The following SHB variants were observed in gnomAD, a reference collection of about 807,000 sequenced individuals.
SHB encodes SH2 domain containing adaptor protein B, also known as SH2 domain-containing adapter protein B.
A neutral mutation model predicts 52.3 loss-of-function variants in SHB; 20 were observed. That is an observed-to-expected ratio of 0.38 (90% CI 0.27 to 0.56). SHB has a LOEUF of 0.56. SHB is among the 20% of genes least tolerant of loss of function. The pLI is 0.71. For synonymous variants in SHB, 397 were observed against 316.5 expected (o/e 1.25, Z -2.70); for missense variants, 825 against 723.3 (o/e 1.14, Z -1.61).
chr9:37,974,807 T>G lies in SHB; in HGVS notation c.869A>C (p.Gln290Pro), dbSNP rs748596811. 1 of 1,614,084 alleles carries G rather than the reference T, an allele frequency of 6.2e-7. No individual in the cohort carries two copies. The highest frequency in any genetic ancestry group is 8.5e-7 in the Non-Finnish European group (1 of 1,179,990). Reference sequence around the variant, plus strand: ...GTCATATAACTGGATACCTTTATGCTGGGACCGGACACTTTCCTGCCTCTG... The same window carrying G: ...GTCATATAACTGGATACCTTTATGCGGGGACCGGACACTTTCCTGCCTCTG... ...EFQRQESVRS[Q>P]HKGIQLYDTP... is the part of the protein sequence containing the mutation. Residue 290 changes from glutamine to proline, a missense_variant, in exon 3 of 6, where the codon CAG (glutamine) becomes CCG (proline). Physicochemically the swap from Gln to Pro is moderately conservative, Grantham distance 76 (BLOSUM62 -1). Coordinates refer to ENST00000377707, the MANE Select transcript of SHB (RefSeq NM_003028.3).
chr9:37,932,563 A>C (rs966905827), intron 5 of SHB, among the ~76,000 whole-genome samples: 3 of 80,688 alleles, frequency 3.7e-5, no homozygotes, highest in African/African-American at 1.6e-4. Context: ...CTCTAGCCAC[A>C]AAAAAAAAAA....
intron 2 of SHB, among the ~76,000 whole-genome samples, chr9:37,997,513 C>T (rs1040252585): frequency 2.0e-5 from 3 of 152,194 alleles, no homozygotes; most frequent in African/African-American, 7.2e-5. Context: ...GTCCCCACAG[C>T]GCAAAGTAAA....
intron 3 of SHB, among the ~76,000 whole-genome samples, chr9:37,966,242 C>T (rs1820518846): frequency 6.6e-6 from 1 of 152,242 alleles, no homozygotes; most frequent in Non-Finnish European, 1.5e-5. Context: ...AAAATCTCCA[C>T]ATGAAGATCT....
At chr9:38,046,979 A>G (rs1418094499) in intron 1 of SHB, among the ~76,000 whole-genome samples, 1 of 152,202 alleles carries the variant, frequency 6.6e-6, no homozygotes, top group Admixed American at 6.5e-5. Context: ...AAATGCAGAC[A>G]CTGTGGCCCA....
At chr9:37,985,333 T>A (rs1404230431) in intron 2 of SHB, among the ~76,000 whole-genome samples, 1 of 152,256 alleles carries the variant, frequency 6.6e-6, no homozygotes, top group Non-Finnish European at 1.5e-5. Context: ...CCTGAAGTAC[T>A]CGAAGAGAGA....
chr9:38,054,570 C>G (rs1054016786), intron 1 of SHB, among the ~76,000 whole-genome samples: 5 of 152,198 alleles, frequency 3.3e-5, no homozygotes, highest in African/African-American at 9.7e-5. Flanking sequence ...GTTGTGACAT[C>G]AAAGGGTCCT....
intron 1 of SHB, among the ~76,000 whole-genome samples, chr9:38,061,601 CTTTTAAAGCTAAT>C (rs1405077144): frequency 6.6e-6 from 1 of 152,196 alleles, no homozygotes; most frequent in East Asian, 1.9e-4. Flanking sequence ...TCAGATTTGA[CTTTTAAAGCTAAT>C]TTTTATGGGT....
At chr9:38,045,138 G>C (rs1821634042) in intron 1 of SHB, among the ~76,000 whole-genome samples, 2 of 152,202 alleles carry the variant, frequency 1.3e-5, no homozygotes, top group African/African-American at 4.8e-5. Context: ...AGGGTCAGCT[G>C]GAATGTCAAG....
intron 1 of SHB, among the ~76,000 whole-genome samples, chr9:38,048,770 C>T (rs1467416551): frequency 6.6e-6 from 1 of 152,220 alleles, no homozygotes; most frequent in Non-Finnish European, 1.5e-5. Flanking sequence ...TTAGGCCACA[C>T]GTTAGCCACT....
At chr9:37,980,464 C>T (rs747436160) in intron 2 of SHB, among the ~76,000 whole-genome samples, 9 of 152,190 alleles carry the variant, frequency 5.9e-5, no homozygotes, top group Non-Finnish European at 1.0e-4. Flanking sequence ...ACTTCTAATG[C>T]TAGTTCTCTT....
At chr9:38,027,619 G>T (rs1303624976) in intron 1 of SHB, among the ~76,000 whole-genome samples, 2 of 150,700 alleles carry the variant, frequency 1.3e-5, no homozygotes, top group Non-Finnish European at 3.0e-5. Context: ...GCTACCCATG[G>T]TGGGCAACTA....
chr9:37,923,848 G>A (rs191221443), intron 5 of SHB, among the ~76,000 whole-genome samples: 3 of 152,178 alleles, frequency 2.0e-5, no homozygotes, highest in Admixed American at 1.3e-4. Context: ...GGCCCAAGGC[G>A]CACAGCAAGG....
intron 1 of SHB, among the ~76,000 whole-genome samples, chr9:38,047,791 T>A (rs1821677013): frequency 6.6e-6 from 1 of 152,260 alleles, no homozygotes; most frequent in African/African-American, 2.4e-5. Flanking sequence ...CAGTGGGTGT[T>A]AAGCAAACAA....
chr9:37,929,112 T>C (rs1832284207), intron 5 of SHB, among the ~76,000 whole-genome samples: 1 of 152,228 alleles, frequency 6.6e-6, no homozygotes, highest in South Asian at 2.1e-4. Flanking sequence ...CCCAGACCTG[T>C]ATCTGAGTCC....
intron 5 of SHB, among the ~76,000 whole-genome samples, chr9:37,935,825 G>A (rs536011350): frequency 3.9e-5 from 6 of 152,002 alleles, no homozygotes; most frequent in African/African-American, 1.2e-4. Flanking sequence ...AAATAACTGA[G>A]GCACAGAGAA....
Position 37,919,893 on chromosome 9 carries a change from G to C in SHB, c.1458C>G (p.Thr486=). 1 of 1,614,022 alleles carries C rather than the reference G, an allele frequency of 6.2e-7. No homozygotes were observed. The highest frequency in any genetic ancestry group is 1.1e-5 in the South Asian group (1 of 91,086). ...DSVPEVIHYY[T]TRKLPIKGAE... is the part of the protein sequence containing the mutation. Reference sequence around the variant, plus strand: ...CCCCTTTGATGGGTAGCTTTCTGGTGGTGTAGTAGTGGATGACTTCCGGGA... The same window carrying C: ...CCCCTTTGATGGGTAGCTTTCTGGTCGTGTAGTAGTGGATGACTTCCGGGA... The change falls in exon 6 of 6, where the codon ACC becomes ACG. Residue 486 remains threonine, a synonymous_variant. Transcript: ENST00000377707.
At position 38,016,028 on chromosome 9, in the gene SHB, G is replaced by A; in HGVS notation, c.821C>T (p.Ala274Val). 1 of 1,614,172 alleles carries A rather than the reference G, an allele frequency of 6.2e-7. No individual in the cohort carries two copies. The highest frequency in any genetic ancestry group is 8.5e-7 in the Non-Finnish European group (1 of 1,180,006). Residue 274 changes from alanine to valine, a missense_variant, in exon 2 of 6, where the codon GCA becomes GTA. Physicochemically the swap from Ala to Val is moderately conservative, Grantham distance 64. Coordinates refer to ENST00000377707, the MANE Select transcript of SHB (RefSeq NM_003028.3). ...ESAGYMEPYE[A>V]QRIMTEFQRQ... ...CCACTTACCTGTCATGATCCTCTGTGCCTCATAGGGCTCCATGTAGCCAGC... is the reference window on the plus strand; with the variant it reads ...CCACTTACCTGTCATGATCCTCTGTACCTCATAGGGCTCCATGTAGCCAGC...
chr9:38,005,781 TC>T (rs1821070165), intron 2 of SHB, among the ~76,000 whole-genome samples: 2 of 152,044 alleles, frequency 1.3e-5, no homozygotes. Flanking sequence ...AATCACGGAA[TC>T]TCCTCCTTCA....
rs958947668 is a variant in SHB, at chr9:37,918,651, G to A, written c.*1170C>T. Among the ~76,000 whole-genome samples the A allele has an allele frequency of 1.3e-5, 2 of 152,230 alleles. No individual in the cohort carries two copies. Among genetic ancestry groups the A allele is most frequent in the Admixed American group, 1.3e-4 (2 of 15,290 alleles). On this transcript the variant is annotated 3_prime_UTR_variant, in exon 6 of 6. Transcript: ENST00000377707. ...ACGAAAGAGCATTGGCTGCAGAACC[G>A]CTCTGCTGCTGGTGAGCTGTGTGGC... is the stretch of plus-strand genomic sequence containing the variant.
Sources: allele counts gnomAD v4.1 joint callset (sites outside exome capture counted in the v4.1 genomes callset), GRCh38; gene constraint gnomAD v4.1.1; transcripts MANE v1.5; gene names NCBI Gene and HGNC (gene_info 2026-07-23, HGNC 2026-07-21).